The following PRICKLE1 variants were observed in gnomAD, a reference collection of about 807,000 sequenced individuals.
PRICKLE1 encodes prickle-like protein 1.
Under a neutral mutation model 70.2 loss-of-function variants are expected in PRICKLE1, and 14 were observed. That is an observed-to-expected ratio of 0.20 (90% CI 0.13 to 0.31). The LOEUF (loss-of-function observed/expected upper bound fraction) is 0.31. PRICKLE1 is among the 10% of genes least tolerant of loss of function. PRICKLE1 has a pLI of 1.00. For missense variants in PRICKLE1, 821 were observed against 1,026.2 expected (o/e 0.80, Z 2.73); for synonymous variants, 357 against 379.9 (o/e 0.94, Z 0.70).
intron 1 of PRICKLE1, among the ~76,000 whole-genome samples, chr12:42,521,456 T>C (rs949381283): frequency 1.3e-5 from 2 of 152,114 alleles, no homozygotes; most frequent in Non-Finnish European, 2.9e-5. Context: ...TCCCAGCACT[T>C]TGGGAGGCCG....
intron 1 of PRICKLE1, among the ~76,000 whole-genome samples, chr12:42,559,294 T>C (rs1940460517): frequency 6.6e-6 from 1 of 152,332 alleles, no homozygotes; most frequent in South Asian, 2.1e-4. Context: ...GATGCTTAAC[T>C]GCACCTTCCT....
At chr12:42,506,555 C>A (rs1939421532) in intron 1 of PRICKLE1, among the ~76,000 whole-genome samples, 1 of 145,134 alleles carries the variant, frequency 6.9e-6, no homozygotes, top group East Asian at 2.0e-4. Flanking sequence ...CCGCGCCCAG[C>A]TCAATAGTGT....
In PRICKLE1 at chr12:42,466,754, A is replaced by G. The variant is rs529529875; in HGVS notation, c.589-374T>C. ...TAGTGAAATAATTTGGTGTTTTAGT[A>G]GAAAGAAAACTCATAAAAATGTCTG... is the stretch of plus-strand genomic sequence containing the variant. On this transcript the variant is annotated intron_variant, in intron 5 of 7. Coordinates refer to ENST00000345127, the MANE Select transcript of PRICKLE1 (RefSeq NM_153026.3). Among the ~76,000 whole-genome samples, 45 of 152,376 alleles carry G rather than the reference A, an allele frequency of 3.0e-4. 1 individual carries two copies. The highest frequency in any genetic ancestry group is 1.0e-3 in the African/African-American group (43 of 41,584).
intron 1 of PRICKLE1, among the ~76,000 whole-genome samples, chr12:42,564,781 CT>C (rs1376777734): frequency 1.3e-5 from 2 of 152,028 alleles, no homozygotes; most frequent in African/African-American, 2.4e-5. Context: ...ATTTGGATTC[CT>C]AAGTCCTAGT....
intron 1 of PRICKLE1, among the ~76,000 whole-genome samples, chr12:42,493,758 T>C (rs1939146450): frequency 1.3e-5 from 2 of 151,390 alleles, no homozygotes; most frequent in South Asian, 4.2e-4. Flanking sequence ...CCCAGGAGGC[T>C]GAGGTGGGAG....
At chr12:42,485,406 G>A (rs1370377670) in intron 1 of PRICKLE1, 1 of 152,230 alleles carries the variant, frequency 6.6e-6, no homozygotes, top group African/African-American at 2.4e-5. Flanking sequence ...TTTTGAAGAC[G>A]ATTCCCAAAA....
At chr12:42,501,046 A>C (rs760315314) in intron 1 of PRICKLE1, among the ~76,000 whole-genome samples, 2 of 152,226 alleles carry the variant, frequency 1.3e-5, no homozygotes, top group Non-Finnish European at 2.9e-5. Flanking sequence ...CCTATTGGAA[A>C]AGTGGGTTTG....
intron 1 of PRICKLE1, among the ~76,000 whole-genome samples, chr12:42,586,784 TAA>T (rs1940993092): frequency 6.6e-6 from 1 of 152,232 alleles, no homozygotes; most frequent in South Asian, 2.1e-4. Flanking sequence ...CAAGTAATTA[TAA>T]GAGATTTTAG....
chr12:42,531,282 G>A (rs1939913572), intron 1 of PRICKLE1, among the ~76,000 whole-genome samples: 2 of 151,804 alleles, frequency 1.3e-5, no homozygotes, highest in Non-Finnish European at 1.5e-5. Context: ...TCCTGACCTT[G>A]TGATCCACCC....
Position 42,468,746 on chromosome 12 carries a change from A to G in PRICKLE1, c.468T>C (p.Phe156=). The change falls in exon 5 of 8, where the codon TTT becomes TTC. Residue 156 remains phenylalanine, a synonymous_variant. Coordinates refer to ENST00000345127, the MANE Select transcript of PRICKLE1 (RefSeq NM_153026.3). ...GCAGCTCATTACACGTGAAACAGACAAAACAGGATGGGTGCCAGCACACAC... is the reference window on the plus strand; with the variant it reads ...GCAGCTCATTACACGTGAAACAGACGAAACAGGATGGGTGCCAGCACACAC... ...GPGVCWHPSC[F]VCFTCNELLV... 1.9e-6 allele frequency: 3 copies of G among 1,614,224 alleles called. No individual in the cohort carries two copies. Among genetic ancestry groups the G allele is most frequent in the Non-Finnish European group, 2.5e-6 (3 of 1,180,036 alleles).
chr12:42,511,958 T>C (rs1254337368), intron 1 of PRICKLE1, among the ~76,000 whole-genome samples: 1 of 152,188 alleles, frequency 6.6e-6, no homozygotes. Context: ...ACTAATGGAC[T>C]GTGAGGACTG....
chr12:42,465,684 T>TAATGCTGAA (rs1938070520), intron 6 of PRICKLE1: 1 of 266,080 alleles, frequency 3.8e-6, no homozygotes, highest in Admixed American at 5.1e-5. Flanking sequence ...GTAATGCTGA[T>TAATGCTGAA]AATGCTGAAA....
At chr12:42,550,592 T>C (rs1235414945) in intron 1 of PRICKLE1, among the ~76,000 whole-genome samples, 2 of 152,210 alleles carry the variant, frequency 1.3e-5, no homozygotes, top group East Asian at 3.8e-4. Flanking sequence ...GGAAAAGACA[T>C]AACCCCTATA....
chr12:42,555,512 C>T (rs1346873077), intron 1 of PRICKLE1, among the ~76,000 whole-genome samples: 1 of 152,098 alleles, frequency 6.6e-6, no homozygotes, highest in African/African-American at 2.4e-5. Flanking sequence ...TAAAACCTTT[C>T]ACAACATATA....
chr12:42,468,652 T>C lies in PRICKLE1; in HGVS notation c.562A>G (p.Lys188Glu). ...HCGRHHAELL[K>E]PRCSACDEII... ...TCGTCACATGCTGAGCACCGTGGTT[T>C]GAGCAGTTCTGCATGGTGCCTGCCA... The change falls in exon 5 of 8, where the codon AAA (lysine) becomes GAA (glutamate). Residue 188 changes from lysine (K) to glutamate (E), a missense_variant. Physicochemically the swap from Lys to Glu is moderately conservative, Grantham distance 56. Coordinates refer to ENST00000345127, the MANE Select transcript of PRICKLE1 (RefSeq NM_153026.3). 1 of 1,614,126 alleles carries C rather than the reference T, an allele frequency of 6.2e-7. No homozygotes were observed. The highest frequency in any genetic ancestry group is 8.5e-7 in the Non-Finnish European group (1 of 1,179,978).
At chr12:42,572,152 G>C (rs1940726083) in intron 1 of PRICKLE1, among the ~76,000 whole-genome samples, 3 of 152,202 alleles carry the variant, frequency 2.0e-5, no homozygotes, top group African/African-American at 7.2e-5. Context: ...TATATCTCTA[G>C]GCCGGGCGCG....
chr12:42,482,333 G>A (rs539252592), intron 1 of PRICKLE1, among the ~76,000 whole-genome samples: 1 of 152,356 alleles, frequency 6.6e-6, no homozygotes, highest in South Asian at 2.1e-4. Flanking sequence ...ACACGAGTAT[G>A]TAAAGACAAA....
intron 1 of PRICKLE1, among the ~76,000 whole-genome samples, chr12:42,554,600 C>T (rs936414314): frequency 6.6e-6 from 1 of 152,032 alleles, no homozygotes; most frequent in African/African-American, 2.4e-5. Context: ...GAACTGGAAA[C>T]CTGTGAGGAA....
intron 7 of PRICKLE1, chr12:42,460,877 TTTTG>T (rs1291779293): frequency 4.8e-6 from 3 of 620,270 alleles, no homozygotes; most frequent in African/African-American, 3.7e-5. Flanking sequence ...GCCTTTTTTG[TTTTG>T]TTTTTTTGTT....
Sources: gnomAD v4.1 joint callset for allele counts (sites outside exome capture counted in the v4.1 genomes callset) on GRCh38, gnomAD v4.1.1 for gene constraint, MANE v1.5 for transcripts, NCBI Gene and HGNC (gene_info 2026-07-23, HGNC 2026-07-21) for gene names.